CDYL: variants seen among roughly 807,000 people sequenced by gnomAD.
CDYL encodes the protein chromodomain Y-like protein.
A neutral mutation model predicts 47.3 loss-of-function variants in CDYL; 8 were observed. The observed-to-expected ratio is 0.17, with a 90% confidence interval of 0.10 to 0.31. The LOEUF (loss-of-function observed/expected upper bound fraction) is 0.31, where lower values mean the gene tolerates loss of function less well. Among genes scored for constraint, CDYL ranks in the 10% least tolerant of loss-of-function variants. The pLI, the probability that CDYL is intolerant of heterozygous loss-of-function variation, is 1.00. For synonymous variants in CDYL, 266 were observed against 265.0 expected, an observed-to-expected ratio of 1.00 and a Z score of -0.04; for missense variants, 471 against 701.4, an observed-to-expected ratio of 0.67 and a Z score of 3.71.
intron 2 of CDYL, among the ~76,000 whole-genome samples, chr6:4,730,970 A>G (rs915989618): frequency 1.3e-5 from 2 of 152,206 alleles, no homozygotes; most frequent in African/African-American, 4.8e-5. Flanking sequence ...GGTTGTTTGG[A>G]ATGATGAGAT....
At chr6:4,927,162 T>C (rs1757899868) in intron 2 of CDYL, among the ~76,000 whole-genome samples, 1 of 152,204 alleles carries the variant, frequency 6.6e-6, no homozygotes, top group African/African-American at 2.4e-5. Flanking sequence ...TGAATACCTT[T>C]TGTGTGTAAA....
chr6:4,827,007 T>C (rs919346906), intron 1 of CDYL, among the ~76,000 whole-genome samples: 3 of 152,246 alleles, frequency 2.0e-5, no homozygotes, highest in African/African-American at 7.2e-5. Context: ...TGCTTACATG[T>C]TTATAATTGT....
intron 2 of CDYL, among the ~76,000 whole-genome samples, chr6:4,734,385 A>G (rs1402565932): frequency 2.0e-5 from 3 of 152,116 alleles, no homozygotes; most frequent in South Asian, 2.1e-4. Context: ...CCTGGGGCAC[A>G]TGATGCAGGG....
At chr6:4,808,439 T>C (rs1759433434) in intron 1 of CDYL, among the ~76,000 whole-genome samples, 1 of 152,264 alleles carries the variant, frequency 6.6e-6, no homozygotes, top group Non-Finnish European at 1.5e-5. Flanking sequence ...CTGTCTGTAA[T>C]ACATTTACTC....
In CDYL at chr6:4,950,540, A is replaced by G. The variant is rs979978231; in HGVS notation, c.1333-1726A>G. ...GTGACAAGGACTATCAGAACCACTC[A>G]CAGTAAGGTCGGGTCGCGTTTCTAA... On this transcript the variant is annotated intron_variant, in intron 5 of 6. Transcript: ENST00000397588. Among the ~76,000 whole-genome samples the G allele has an allele frequency of 2.0e-5, 3 of 152,134 alleles. No individual in the cohort carries two copies. In the South Asian group the frequency reaches 6.2e-4, roughly 32 times the overall value.
intron 2 of CDYL, chr6:4,724,495 TCTCA>T (rs1425641881): frequency 6.5e-6 from 1 of 152,762 alleles, no homozygotes; most frequent in Non-Finnish European, 1.5e-5. Flanking sequence ...GGGTTCTTGG[TCTCA>T]CTGACTTCAA....
intron 2 of CDYL, among the ~76,000 whole-genome samples, chr6:4,906,582 C>T (rs750927780): frequency 7.2e-5 from 11 of 152,190 alleles, no homozygotes; most frequent in Non-Finnish European, 1.5e-4. Flanking sequence ...CTTCTGATTT[C>T]CGTGATTTGA....
Position 4,892,252 on chromosome 6 carries a change from A to G in CDYL, c.564A>G (p.Gly188=), listed in dbSNP as rs1194519901. The G allele has an allele frequency of 6.2e-7, 1 of 1,614,140 alleles. No homozygotes were observed. Among genetic ancestry groups the G allele is most frequent in the South Asian group, 1.1e-5 (1 of 91,072 alleles). Residue 188 remains glycine, a synonymous_variant, in exon 2 of 7, where the codon GGA becomes GGG. Transcript: ENST00000397588. ...APEVAAEKPV[G]ALLGPGAERA... is the part of the protein sequence containing the mutation. Reference sequence around the variant, plus strand: ...AAGTGGCAGCGGAAAAGCCGGTCGGAGCTTTATTGGGCCCCGGTGCCGAGA... The same window carrying G: ...AAGTGGCAGCGGAAAAGCCGGTCGGGGCTTTATTGGGCCCCGGTGCCGAGA...
intron 1 of CDYL, among the ~76,000 whole-genome samples, chr6:4,847,317 T>G (rs1760691376): frequency 6.6e-6 from 1 of 152,240 alleles, no homozygotes; most frequent in Non-Finnish European, 1.5e-5. Flanking sequence ...ACCCAGCTGT[T>G]GTAGGTCCCC....
At chr6:4,951,757 C>G (rs1327865510) in intron 5 of CDYL, among the ~76,000 whole-genome samples, 1 of 151,888 alleles carries the variant, frequency 6.6e-6, no homozygotes, top group Non-Finnish European at 1.5e-5. Context: ...ATTGGCCTCC[C>G]AGATAAAGAA....
At chr6:4,776,398 T>A (rs935260166), upstream of CDYL, 1 of 140,900 alleles carries the variant, frequency 7.1e-6, no homozygotes, top group Non-Finnish European at 1.6e-5. Context: ...CCGGGGCAGG[T>A]TTTTTGGTCG....
intron 1 of CDYL, among the ~76,000 whole-genome samples, chr6:4,802,865 G>A (rs1408902846): frequency 6.6e-6 from 1 of 152,102 alleles, no homozygotes; most frequent in African/African-American, 2.4e-5. Flanking sequence ...GAGGCCACAG[G>A]ATTCTCTTTT....
intron 1 of CDYL, among the ~76,000 whole-genome samples, chr6:4,859,006 T>C (rs1384415302): frequency 6.6e-6 from 1 of 152,180 alleles, no homozygotes; most frequent in Admixed American, 6.5e-5. Flanking sequence ...TCATGACTGA[T>C]GGGTTTGTGA....
chr6:4,953,212 C>T (rs551243728), intron 6 of CDYL, among the ~76,000 whole-genome samples: 4 of 151,850 alleles, frequency 2.6e-5, no homozygotes, highest in African/African-American at 9.6e-5. Context: ...GGCAAAACCC[C>T]GTCTGTACTA....
At chr6:4,820,198 C>G (rs954066281) in intron 1 of CDYL, among the ~76,000 whole-genome samples, 2 of 152,160 alleles carry the variant, frequency 1.3e-5, no homozygotes, top group African/African-American at 4.8e-5. Context: ...ATGCACCCAA[C>G]AGGTAGATTT....
At chr6:4,804,265 C>A (rs1321074539) in intron 1 of CDYL, among the ~76,000 whole-genome samples, 1 of 152,140 alleles carries the variant, frequency 6.6e-6, no homozygotes, top group South Asian at 2.1e-4. Flanking sequence ...GTTTCACCCA[C>A]GAGAATGGTG....
In CDYL at chr6:4,943,310, C is replaced by T. The variant is rs549234099; in HGVS notation, c.1122-236C>T. On this transcript the variant is annotated intron_variant, in intron 4 of 6. Transcript: ENST00000397588. Reference sequence around the variant, plus strand: ...GCTGCATGTTACCCTGTGGCCTTCACGTAGGGCCTGTAGTGACAGCCACTA... The same window carrying T: ...GCTGCATGTTACCCTGTGGCCTTCATGTAGGGCCTGTAGTGACAGCCACTA... Among the ~76,000 whole-genome samples, 5 of 152,256 alleles carry T rather than the reference C, an allele frequency of 3.3e-5. No individual in the cohort carries two copies. The East Asian group carries it at 5.8e-4, about 18-fold the overall frequency.
chr6:4,768,177 C>T (rs1758284626), intron 3 of CDYL, among the ~76,000 whole-genome samples: 2 of 152,334 alleles, frequency 1.3e-5, no homozygotes, highest in South Asian at 4.1e-4. Context: ...TTTCCAATGC[C>T]CTCTTCACCT....
At chr6:4,788,907 A>C (rs946573828) in intron 1 of CDYL, among the ~76,000 whole-genome samples, 1 of 151,944 alleles carries the variant, frequency 6.6e-6, no homozygotes, top group African/African-American at 2.4e-5. Context: ...CCATTGTGCC[A>C]GGTGGACCAG....
Sources: allele counts gnomAD v4.1 joint callset (sites outside exome capture counted in the v4.1 genomes callset), GRCh38; gene constraint gnomAD v4.1.1; transcripts MANE v1.5; gene names NCBI Gene and HGNC (gene_info 2026-07-23, HGNC 2026-07-21).